Variants in LRP1B observed in about 807,000 individuals in gnomAD.
LRP1B encodes the protein LDL receptor related protein 1B.
Under a neutral mutation model 556.6 loss-of-function variants are expected in LRP1B, and 217 were observed. The observed-to-expected ratio is 0.39, with a 90% CI of 0.35 to 0.44. The LOEUF is 0.44. Among genes scored for constraint, LRP1B ranks in the 20% least tolerant of loss-of-function variants. The pLI, the probability that LRP1B is intolerant of heterozygous loss-of-function variation, is 1.00. For synonymous variants in LRP1B, 2,047 were observed against 1,865.8 expected, an observed-to-expected ratio of 1.10 and a Z score of -2.50; for missense variants, 5,053 against 5,620.8, an observed-to-expected ratio of 0.90 and a Z score of 3.23.
chr2:141,298,558 T>C (rs1007810695), intron 3 of LRP1B, among the ~76,000 whole-genome samples: 4 of 152,146 alleles, frequency 2.6e-5, no homozygotes, highest in Non-Finnish European at 4.4e-5. Flanking sequence ...AGGCTCAGCA[T>C]CATAGGGGAG....
intron 2 of LRP1B, among the ~76,000 whole-genome samples, chr2:141,575,829 G>C (rs555961997): frequency 2.0e-4 from 31 of 151,616 alleles, no homozygotes; most frequent in Middle Eastern, 3.4e-3. Flanking sequence ...TATTTATGTG[G>C]GCAACATGTG....
At chr2:141,660,477 T>TC (rs970246213) in intron 2 of LRP1B, among the ~76,000 whole-genome samples, 15 of 151,256 alleles carry the variant, frequency 9.9e-5, no homozygotes, top group East Asian at 7.8e-4. Flanking sequence ...GTCTGGCAGT[T>TC]CCCCCCCGCT....
intron 6 of LRP1B, among the ~76,000 whole-genome samples, chr2:141,199,276 C>T (rs902379943): frequency 1.3e-5 from 2 of 152,230 alleles, no homozygotes; most frequent in South Asian, 2.1e-4. Context: ...TGTTAAAACA[C>T]CTTAGAGTAT....
chr2:141,850,862 T>C (rs1375430030), intron 1 of LRP1B, among the ~76,000 whole-genome samples: 1 of 151,690 alleles, frequency 6.6e-6, no homozygotes, highest in Non-Finnish European at 1.5e-5. Flanking sequence ...TTTATTTTTT[T>C]CCTCCTTAAA....
intron 2 of LRP1B, among the ~76,000 whole-genome samples, chr2:141,612,625 C>T (rs147001204): frequency 1.4e-3 from 211 of 152,286 alleles, no homozygotes; most frequent in African/African-American, 4.7e-3. Flanking sequence ...AGAGGCTTCA[C>T]GGTAATGTGT....
chr2:140,702,108 T>G, intron 39 of LRP1B, 33 bp downstream of exon 39: 1 of 1,604,566 alleles, frequency 6.2e-7, no homozygotes. Context: ...AATAACATTT[T>G]GAGACTCAAA....
chr2:141,298,722 AGGTG>A lies in LRP1B; in HGVS notation c.344-44085_344-44082del, dbSNP rs921300061. Among the ~76,000 whole-genome samples the A allele has an allele frequency of 1.2e-4, 19 of 152,246 alleles. 1 individual carries two copies. Among genetic ancestry groups the A allele is most frequent in the Admixed American group, 6.5e-4 (10 of 15,296 alleles). On this transcript the variant is annotated intron_variant, in intron 3 of 90. Coordinates refer to ENST00000389484, the MANE Select transcript of LRP1B (RefSeq NM_018557.3). ...GTAATACCAGCACTTTGGGAGGCCGAGGTGGGTGGATCACCTGAGGTCAGGAGTT... is the reference window on the plus strand; with the variant it reads ...GTAATACCAGCACTTTGGGAGGCCGAGGTGGATCACCTGAGGTCAGGAGTT...
chr2:140,485,975 C>G (rs1328604941), intron 58 of LRP1B, among the ~76,000 whole-genome samples: 1 of 151,564 alleles, frequency 6.6e-6, no homozygotes, highest in Non-Finnish European at 1.5e-5. Flanking sequence ...ATTTAGTTAA[C>G]TACAAGGAGA....
chr2:141,009,801 G>A lies in LRP1B; in HGVS notation c.2380+3755C>T, dbSNP rs139539881. ...TGATAAAATTACAATGACCAAAAAA[G>A]ATTCACATTCTTTTTCTTCTATCTA... On this transcript the variant is annotated intron_variant, in intron 14 of 90. Coordinates refer to ENST00000389484, the MANE Select transcript of LRP1B (RefSeq NM_018557.3). Among the ~76,000 whole-genome samples, 423 of 152,026 alleles carry A rather than the reference G, an allele frequency of 2.8e-3. 1 individual carries two copies. Among genetic ancestry groups the A allele is most frequent in the African/African-American group, 9.9e-3 (412 of 41,516 alleles).
intron 2 of LRP1B, among the ~76,000 whole-genome samples, chr2:141,699,945 T>C (rs1691877643): frequency 1.3e-5 from 2 of 150,498 alleles, no homozygotes; most frequent in South Asian, 2.1e-4. Context: ...ATTTACTCTG[T>C]GTTAAGAAAA....
intron 3 of LRP1B, among the ~76,000 whole-genome samples, chr2:141,378,477 C>A (rs1268790785): frequency 1.3e-5 from 2 of 152,064 alleles, no homozygotes; most frequent in Admixed American, 1.3e-4. Flanking sequence ...GAGTTCAAGA[C>A]CAGCATAGGA....
intron 79 of LRP1B, among the ~76,000 whole-genome samples, chr2:140,332,877 TA>T: frequency 6.6e-6 from 1 of 152,076 alleles, no homozygotes; most frequent in Non-Finnish European, 1.5e-5. Flanking sequence ...TTCTTTAAAA[TA>T]AAAACATGTT....
chr2:141,760,415 A>G (rs567262130), intron 2 of LRP1B, among the ~76,000 whole-genome samples: 27 of 152,328 alleles, frequency 1.8e-4, no homozygotes, highest in Admixed American at 7.2e-4. Context: ...TAATTTACAG[A>G]TGGGTGATTA....
intron 2 of LRP1B, among the ~76,000 whole-genome samples, chr2:141,738,603 C>T (rs1693581903): frequency 1.3e-5 from 2 of 152,106 alleles, no homozygotes; most frequent in African/African-American, 4.8e-5. Flanking sequence ...ATTCATGATA[C>T]ACCTTTGAAG....
Position 141,463,646 on chromosome 2 carries a change from T to TAA in LRP1B, c.343+16749_343+16750insTT, listed in dbSNP as rs1334367986. ...ATTATATATTATTATATATTATATA[T>TAA]TATATATAATTATATATATTAAAAT... is the stretch of plus-strand genomic sequence containing the variant. On this transcript the variant is annotated intron_variant, in intron 3 of 90. Coordinates refer to ENST00000389484, the MANE Select transcript of LRP1B (RefSeq NM_018557.3). Among the ~76,000 whole-genome samples, 39 of 122,598 alleles carry TAA rather than the reference T, an allele frequency of 3.2e-4. 2 individuals carry two copies. The highest frequency in any genetic ancestry group is 1.1e-3 in the South Asian group (5 of 4,406). The allele number at this position is 122,598 out of a possible 152,430, so 80.4% of individuals were successfully genotyped here.
chr2:140,931,146 C>T (rs968336977), intron 20 of LRP1B, among the ~76,000 whole-genome samples: 1 of 152,096 alleles, frequency 6.6e-6, no homozygotes. Context: ...TGCTGCCTAC[C>T]TAATGTAGTA....
At chr2:141,107,635 A>C (rs1207127061) in intron 7 of LRP1B, among the ~76,000 whole-genome samples, 1 of 146,628 alleles carries the variant, frequency 6.8e-6, no homozygotes, top group Non-Finnish European at 1.5e-5. Flanking sequence ...ACAGAGCAAG[A>C]CTCCGTGTCA....
chr2:141,161,800 A>C (rs552092531), intron 7 of LRP1B, among the ~76,000 whole-genome samples: 1 of 152,098 alleles, frequency 6.6e-6, no homozygotes, highest in East Asian at 1.9e-4. Context: ...CAGCTATGAC[A>C]CAAGCTCACT....
intron 1 of LRP1B, among the ~76,000 whole-genome samples, chr2:142,062,231 AG>A (rs1308507816): frequency 1.3e-5 from 2 of 151,964 alleles, no homozygotes; most frequent in Non-Finnish European, 2.9e-5. Flanking sequence ...AGAAACTAAA[AG>A]GGTTATTAAA....
Sources: gnomAD v4.1 joint callset for allele counts (sites outside exome capture counted in the v4.1 genomes callset) on GRCh38, gnomAD v4.1.1 for gene constraint, MANE v1.5 for transcripts, NCBI Gene and HGNC (gene_info 2026-07-23, HGNC 2026-07-21) for gene names.